LRRK2: variants seen among roughly 807,000 people sequenced by gnomAD.
LRRK2 encodes leucine-rich repeat serine/threonine-protein kinase 2.
In LRRK2, 203 loss-of-function variants were observed where a neutral mutation model predicts 302.6. That is an observed-to-expected ratio of 0.67 (90% CI 0.60 to 0.75). The LOEUF (loss-of-function observed/expected upper bound fraction) is 0.75, where lower values mean the gene tolerates loss of function less well. Ranked by LOEUF, LRRK2 falls within the 30% of genes least tolerant of loss-of-function variation. LRRK2 has a pLI of 0.00. For synonymous variants in LRRK2, 1,066 were observed against 1,031.9 expected, an observed-to-expected ratio of 1.03 and a Z score of -0.63; for missense variants, 2,830 against 2,951.0, an observed-to-expected ratio of 0.96 and a Z score of 0.95.
chr12:40,352,320 G>A (rs1946376995), intron 44 of LRRK2, among the ~76,000 whole-genome samples: 2 of 152,142 alleles, frequency 1.3e-5, no homozygotes, highest in South Asian at 4.1e-4. Context: ...GATGGATAAA[G>A]GAGATCTGGA....
rs141979335 is a variant in LRRK2, at chr12:40,259,894, A to G, written c.1543+290A>G. ...TGTTCATCTCTGATAATTCTTTTCTATTTTTGTTGCCATGACCTGAGTTCA... is the reference window on the plus strand; with the variant it reads ...TGTTCATCTCTGATAATTCTTTTCTGTTTTTGTTGCCATGACCTGAGTTCA... On this transcript the variant is annotated intron_variant, in intron 13 of 50. Transcript: ENST00000298910. Among the ~76,000 whole-genome samples, 850 of 152,162 alleles carry G rather than the reference A, an allele frequency of 5.6e-3. 6 individuals are homozygous for G. The highest frequency in any genetic ancestry group is 0.027 in the Middle Eastern group (8 of 294).
At chr12:40,324,214 A>G (rs1347779253) in intron 38 of LRRK2, among the ~76,000 whole-genome samples, 1 of 152,206 alleles carries the variant, frequency 6.6e-6, no homozygotes, top group Non-Finnish European at 1.5e-5. Flanking sequence ...CATTTTTAAA[A>G]AAAGATATAC....
At chr12:40,265,459 T>C (rs1190815938) in intron 14 of LRRK2, among the ~76,000 whole-genome samples, 2 of 152,306 alleles carry the variant, frequency 1.3e-5, no homozygotes, top group East Asian at 3.9e-4. Flanking sequence ...GTGGGCTTAC[T>C]AGTAAGGATG....
intron 42 of LRRK2, 115 bp from the exon 43 acceptor site, chr12:40,348,294 G>C (rs778283274): frequency 9.6e-6 from 7 of 732,626 alleles, no homozygotes; most frequent in Non-Finnish European, 1.4e-5. Context: ...ATAAATATAG[G>C]ATTATGGAGA....
At chr12:40,304,330 CTTAAT>C (rs1254286825) in intron 27 of LRRK2, 196 bp downstream of exon 27, 24 of 603,096 alleles carry the variant, frequency 4.0e-5, no homozygotes, top group Non-Finnish European at 6.6e-5. Context: ...TGATGTGTCA[CTTAAT>C]TTAATTTCCA....
At chr12:40,306,938 C>T (rs951775917) in intron 28 of LRRK2, among the ~76,000 whole-genome samples, 15 of 151,986 alleles carry the variant, frequency 9.9e-5, no homozygotes, top group African/African-American at 3.6e-4. Flanking sequence ...ATTTTTCTCT[C>T]TTGAAACTGG....
chr12:40,232,148 G>C, intron 2 of LRRK2, 126 bp from the exon 3 acceptor site: 1 of 748,918 alleles, frequency 1.3e-6, no homozygotes, highest in South Asian at 1.5e-5. Context: ...TCATTTTGTT[G>C]TATAACCATT....
intron 24 of LRRK2, 117 bp downstream of exon 24, chr12:40,298,610 A>G: frequency 7.6e-7 from 1 of 1,322,042 alleles, no homozygotes; most frequent in Non-Finnish European, 1.1e-6. Context: ...CATCTCTACT[A>G]AAAATACAAA....
rs1325705156 is a variant in LRRK2 at position 40,315,308 on chromosome 12, T to C, written c.4827+8T>C. On this transcript the variant is annotated splice_region_variant and intron_variant, in intron 33 of 50. Transcript: ENST00000298910. ...TGTAAAATCATGGCACAGGTTGGTG[T>C]CTTTTATTTTTGTGGCACGGGGGTT... 2 of 1,608,912 alleles carry C rather than the reference T, an allele frequency of 1.2e-6. No homozygotes were observed. The highest frequency in any genetic ancestry group is 2.7e-5 in the African/African-American group (2 of 74,754).
intron 7 of LRRK2, 131 bp downstream of exon 7, chr12:40,243,812 G>GA (rs1398687531): frequency 4.4e-6 from 4 of 918,524 alleles, no homozygotes; most frequent in Admixed American, 5.1e-5. Flanking sequence ...TAAAATCCCA[G>GA]AAAAAATAAA....
chr12:40,235,191 G>T (rs1941394277), intron 3 of LRRK2, among the ~76,000 whole-genome samples: 1 of 152,250 alleles, frequency 6.6e-6, no homozygotes, highest in East Asian at 1.9e-4. Flanking sequence ...AACACACATG[G>T]CCAGGCACGG....
chr12:40,243,731 C>T (rs2136444390), intron 7 of LRRK2, 50 bp downstream of exon 7: 1 of 1,477,522 alleles, frequency 6.8e-7, no homozygotes. Context: ...TATACATATA[C>T]ATATAAAACA....
chr12:40,298,794 TATATA>T (rs1417707247), intron 24 of LRRK2, among the ~76,000 whole-genome samples: 1 of 118,488 alleles, frequency 8.4e-6, no homozygotes, highest in Non-Finnish European at 1.7e-5. Context: ...TATATATATA[TATATA>T]ATATATGTAT....
chr12:40,291,611 A>G (rs1944162737), intron 20 of LRRK2, among the ~76,000 whole-genome samples: 1 of 151,512 alleles, frequency 6.6e-6, no homozygotes, highest in Admixed American at 6.6e-5. Flanking sequence ...CTATCCTTTT[A>G]TATTTATTGA....
chr12:40,272,300 C>A (rs1430773557), intron 14 of LRRK2, among the ~76,000 whole-genome samples: 2 of 152,012 alleles, frequency 1.3e-5, no homozygotes, highest in African/African-American at 4.8e-5. Flanking sequence ...AAACTTTTGG[C>A]CTTGAATATC....
At chr12:40,302,110 G>A (rs1179150270) in intron 25 of LRRK2, among the ~76,000 whole-genome samples, 1 of 151,972 alleles carries the variant, frequency 6.6e-6, no homozygotes, top group African/African-American at 2.4e-5. Flanking sequence ...CCTGGGAGGC[G>A]GAGATTGCAT....
chr12:40,351,302 T>TA lies in LRRK2; in HGVS notation c.6382-229dup, dbSNP rs548448529. The stretch of plus-strand genomic sequence containing the variant: ...GACCCTTGAGATTTTCTTTTCAAGT[T>TA]AAAAAAAATACTACACATACCAAAG... On this transcript the variant is annotated intron_variant, in intron 43 of 50. Transcript: ENST00000298910. 9.6e-4 allele frequency among the ~76,000 whole-genome samples: 146 copies of TA among 152,058 alleles called. 1 individual carries two copies. Among genetic ancestry groups the TA allele is most frequent in the African/African-American group, 3.3e-3 (137 of 41,494 alleles).
chr12:40,366,161 A>AGG (rs1592354576), intron 49 of LRRK2: 5 of 151,974 alleles, frequency 3.3e-5, no homozygotes, highest in Admixed American at 3.3e-4. Flanking sequence ...CATTCCTACC[A>AGG]GATCTTGCTT....
chr12:40,322,240 A>C lies in LRRK2; in HGVS notation c.5317+59A>C, dbSNP rs73097447. 2.6e-3 allele frequency: 4,106 copies of C among 1,583,590 alleles called. 77 individuals carry two copies. The African/African-American group carries it at 0.043, about 16-fold the overall frequency. ...ACACTAAAGAAATTTAAACTTAAAAAAAAAAAAAACTTTACCTTAAAGCTT... is the reference window on the plus strand; with the variant it reads ...ACACTAAAGAAATTTAAACTTAAAACAAAAAAAAACTTTACCTTAAAGCTT... On this transcript the variant is annotated intron_variant, in intron 36 of 50. Coordinates refer to ENST00000298910, the MANE Select transcript of LRRK2 (RefSeq NM_198578.4).
Sources: allele counts gnomAD v4.1 joint callset (sites outside exome capture counted in the v4.1 genomes callset), GRCh38; gene constraint gnomAD v4.1.1; transcripts MANE v1.5; gene names NCBI Gene and HGNC (gene_info 2026-07-23, HGNC 2026-07-21).